PLCL1: variants seen among roughly 807,000 people sequenced by gnomAD.
PLCL1 encodes the protein inactive phospholipase C-like protein 1.
In PLCL1, 41 loss-of-function variants were observed where a neutral mutation model predicts 84.4. The ratio of observed to expected loss-of-function variants is 0.49; its 90% CI spans 0.38 to 0.63. The LOEUF is 0.63. Among genes scored for constraint, PLCL1 ranks in the 30% least tolerant of loss-of-function variants. The pLI is 0.00. For missense variants in PLCL1, 1,206 were observed against 1,367.8 expected (o/e 0.88, Z 1.87); for synonymous variants, 490 against 488.3 (o/e 1.00, Z -0.05).
At chr2:198,094,025 GGTTTTA>G (rs1693123887) in intron 3 of PLCL1, among the ~76,000 whole-genome samples, 1 of 151,972 alleles carries the variant, frequency 6.6e-6, no homozygotes, top group Admixed American at 6.6e-5. Flanking sequence ...TCCTCCTGAG[GGTTTTA>G]AAATTCAGTC....
chr2:198,106,953 T>A (rs868656017), intron 5 of PLCL1, among the ~76,000 whole-genome samples: 1 of 151,912 alleles, frequency 6.6e-6, no homozygotes, highest in South Asian at 2.1e-4. Flanking sequence ...TACACTGTTC[T>A]GCCTCCTCTA....
chr2:197,865,014 C>T (rs1416659306), intron 1 of PLCL1, among the ~76,000 whole-genome samples: 1 of 152,130 alleles, frequency 6.6e-6, no homozygotes, highest in African/African-American at 2.4e-5. Flanking sequence ...TGCATAGAGA[C>T]CCTCTAATTC....
intron 5 of PLCL1, among the ~76,000 whole-genome samples, chr2:198,119,073 T>C (rs1294131218): frequency 6.6e-6 from 1 of 151,948 alleles, no homozygotes; most frequent in African/African-American, 2.4e-5. Context: ...ATGAGGAAAA[T>C]GTCAATTGTA....
chr2:197,847,287 C>T (rs568510882), intron 1 of PLCL1, among the ~76,000 whole-genome samples: 2 of 152,074 alleles, frequency 1.3e-5, no homozygotes, highest in East Asian at 1.9e-4. Context: ...GAAGTGAACA[C>T]GGAAAAAAGT....
intron 1 of PLCL1, among the ~76,000 whole-genome samples, chr2:197,910,672 G>C (rs1688469533): frequency 6.6e-6 from 1 of 151,998 alleles, no homozygotes. Flanking sequence ...TTTATTCCCG[G>C]CAACCCGAAA....
chr2:198,053,635 A>G (rs1250543282), intron 1 of PLCL1, among the ~76,000 whole-genome samples: 1 of 152,202 alleles, frequency 6.6e-6, no homozygotes, highest in Non-Finnish European at 1.5e-5. Context: ...TATTTCCCTC[A>G]TTGGACCCTT....
intron 1 of PLCL1, among the ~76,000 whole-genome samples, chr2:197,895,175 A>G (rs1309747343): frequency 1.3e-5 from 2 of 151,986 alleles, no homozygotes; most frequent in Admixed American, 6.6e-5. Flanking sequence ...CTTTGGAGAG[A>G]GCATACTCTC....
intron 1 of PLCL1, among the ~76,000 whole-genome samples, chr2:198,057,170 G>A (rs1400833005): frequency 6.6e-6 from 1 of 152,088 alleles, no homozygotes; most frequent in Non-Finnish European, 1.5e-5. Flanking sequence ...TCAATACTCT[G>A]TGGTTCTAAA....
intron 5 of PLCL1, among the ~76,000 whole-genome samples, chr2:198,118,744 G>A (rs1036863718): frequency 6.6e-6 from 1 of 151,958 alleles, no homozygotes; most frequent in Admixed American, 6.6e-5. Flanking sequence ...ACCGTAGGGG[G>A]TGCCATTCCC....
chr2:198,024,709 G>A lies in PLCL1; in HGVS notation c.241-59049G>A, dbSNP rs113836464. ...ACCCAGGAGGCAGAGGTTGCACTGA[G>A]CCAAGATCGTGCTATTGCAGTCCAG... On this transcript the variant is annotated intron_variant, in intron 1 of 5. Coordinates refer to ENST00000428675, the MANE Select transcript of PLCL1 (RefSeq NM_006226.4). 7.2e-3 allele frequency among the ~76,000 whole-genome samples: 1,092 copies of A among 151,062 alleles called. 18 individuals are homozygous for A. The highest frequency in any genetic ancestry group is 0.026 in the African/African-American group (1,053 of 41,134).
intron 1 of PLCL1, among the ~76,000 whole-genome samples, chr2:197,984,664 G>T (rs1410914798): frequency 6.6e-6 from 1 of 152,134 alleles, no homozygotes; most frequent in Admixed American, 6.6e-5. Flanking sequence ...AAATTTAAGT[G>T]CAAGAAAAAG....
intron 1 of PLCL1, among the ~76,000 whole-genome samples, chr2:197,993,728 A>G (rs1464028424): frequency 6.6e-6 from 1 of 152,172 alleles, no homozygotes. Context: ...GGGGGGATAA[A>G]TACCCCATTC....
At chr2:198,146,091 G>C (rs973707070) in intron 5 of PLCL1, among the ~76,000 whole-genome samples, 6 of 152,162 alleles carry the variant, frequency 3.9e-5, no homozygotes, top group Non-Finnish European at 8.8e-5. Context: ...GATCTCTGTT[G>C]GGCACTGATG....
At chr2:198,010,796 A>G (rs1266262009) in intron 1 of PLCL1, among the ~76,000 whole-genome samples, 1 of 150,876 alleles carries the variant, frequency 6.6e-6, no homozygotes, top group African/African-American at 2.5e-5. Context: ...CTCTTTTGGA[A>G]GGTTATTTTT....
chr2:197,975,457 C>G (rs1201663036), intron 1 of PLCL1, among the ~76,000 whole-genome samples: 2 of 152,142 alleles, frequency 1.3e-5, no homozygotes, highest in Non-Finnish European at 2.9e-5. Context: ...TTTCTCCTAT[C>G]AACTCTTATG....
intron 1 of PLCL1, among the ~76,000 whole-genome samples, chr2:197,893,077 G>A (rs897139669): frequency 6.6e-6 from 1 of 152,196 alleles, no homozygotes; most frequent in Non-Finnish European, 1.5e-5. Context: ...TTAGTTAACT[G>A]TATTGAGTTA....
chr2:197,814,461 C>A (rs1411349254), intron 1 of PLCL1, among the ~76,000 whole-genome samples: 1 of 152,126 alleles, frequency 6.6e-6, no homozygotes, highest in Non-Finnish European at 1.5e-5. Context: ...CACTGACCTG[C>A]CGTTGTCAGT....
chr2:198,071,714 C>T (rs1692469222), intron 1 of PLCL1, among the ~76,000 whole-genome samples: 1 of 151,640 alleles, frequency 6.6e-6, no homozygotes, highest in Non-Finnish European at 1.5e-5. Flanking sequence ...TAAAAAATAT[C>T]AATACAGTTT....
intron 1 of PLCL1, among the ~76,000 whole-genome samples, chr2:198,071,751 A>G (rs2105885861): frequency 6.6e-6 from 1 of 151,988 alleles, no homozygotes; most frequent in South Asian, 2.1e-4. Context: ...CAAATCTATC[A>G]ATCTTTTCCT....
Sources: gnomAD v4.1 joint callset for allele counts (sites outside exome capture counted in the v4.1 genomes callset) on GRCh38, gnomAD v4.1.1 for gene constraint, MANE v1.5 for transcripts, NCBI Gene and HGNC (gene_info 2026-07-23, HGNC 2026-07-21) for gene names.